The following ANKS6 variants were observed in gnomAD, a reference collection of about 807,000 sequenced individuals.
ANKS6 encodes ankyrin repeat and sterile alpha motif domain containing 6.
Under a neutral mutation model 77.9 loss-of-function variants are expected in ANKS6, and 47 were observed. That is an observed-to-expected ratio of 0.60 (90% CI 0.48 to 0.77). ANKS6 has a LOEUF of 0.77. Ranked by LOEUF, ANKS6 falls within the 30% of genes least tolerant of loss-of-function variation. The probability of loss-of-function intolerance (pLI) is 0.00; values close to 1 mark genes in which losing one functional copy is unlikely to be tolerated. For synonymous variants in ANKS6, 488 were observed against 501.7 expected, an observed-to-expected ratio of 0.97 and a Z score of 0.37; for missense variants, 1,150 against 1,159.1, an observed-to-expected ratio of 0.99 and a Z score of 0.11.
At chr9:98,738,576 T>TAAAAAAAAAAA (rs756331864) in intron 14 of ANKS6, among the ~76,000 whole-genome samples, 2 of 110,006 alleles carry the variant, frequency 1.8e-5, no homozygotes, top group Non-Finnish European at 1.9e-5. Context: ...AACAAAAAAA[T>TAAAAAAAAAAA]AAAATAAAAA....
At chr9:98,782,871 C>A (rs1484087964) in intron 4 of ANKS6, among the ~76,000 whole-genome samples, 1 of 151,946 alleles carries the variant, frequency 6.6e-6, no homozygotes, top group Non-Finnish European at 1.5e-5. Flanking sequence ...TCACTTGAGC[C>A]CAGGAATTTG....
Position 98,734,735 on chromosome 9 carries a change from C to A in ANKS6, c.*1784G>T. ...TTACACAATGCCACCTCCAGGGTGG[C>A]CATGAGGATGAAATGACAAAGGTAA... On this transcript the variant is annotated 3_prime_UTR_variant, in exon 15 of 15. Coordinates refer to ENST00000353234, the MANE Select transcript of ANKS6 (RefSeq NM_173551.5). The A allele has an allele frequency of 1.0e-6, 1 of 967,736 alleles. No homozygotes were observed. The highest frequency in any genetic ancestry group is 5.3e-4 in the Middle Eastern group (1 of 1,878). 59.9% of individuals were successfully genotyped at this position (967,736 alleles called of 1,614,324 possible).
At chr9:98,763,830 C>T (rs1020733218) in intron 11 of ANKS6, among the ~76,000 whole-genome samples, 7 of 152,032 alleles carry the variant, frequency 4.6e-5, no homozygotes, top group African/African-American at 1.7e-4. Flanking sequence ...GTAATAGATA[C>T]ATACTACTAA....
chr9:98,759,054 T>C (rs1832872583), intron 11 of ANKS6, among the ~76,000 whole-genome samples: 1 of 151,850 alleles, frequency 6.6e-6, no homozygotes, highest in Admixed American at 6.6e-5. Flanking sequence ...GTTGATTTTG[T>C]TTTTTTTAAT....
chr9:98,796,216 C>A lies in ANKS6; in HGVS notation c.276G>T (p.Pro92=), dbSNP rs780843655. The A allele has an allele frequency of 1.4e-5, 20 of 1,413,400 alleles. No homozygotes were observed. In the South Asian group the frequency reaches 2.4e-4, roughly 17 times the overall value. 87.6% of individuals were successfully genotyped at this position (1,413,400 alleles called of 1,614,324 possible). ...LQFAAAGGHE[P]LVRFLLRRGA... is the part of the protein sequence containing the mutation. ...CGCGGCGCAGCAGGAAGCGCACCAGCGGTTCGTGGCCCCCGGCCGCGGCGA... is the reference window on the plus strand; with the variant it reads ...CGCGGCGCAGCAGGAAGCGCACCAGAGGTTCGTGGCCCCCGGCCGCGGCGA... Residue 92 remains proline, a synonymous_variant, in exon 1 of 15, where the codon CCG becomes CCT. Coordinates refer to ENST00000353234, the MANE Select transcript of ANKS6 (RefSeq NM_173551.5).
rs764495358 is a variant in ANKS6 at position 98,756,403 on chromosome 9, G to A, written c.2326+17C>T. The A allele has an allele frequency of 4.4e-6, 7 of 1,608,458 alleles. No individual in the cohort carries two copies. The highest frequency in any genetic ancestry group is 1.7e-4 in the Middle Eastern group (1 of 5,810). On this transcript the variant is annotated intron_variant, in intron 12 of 14. Coordinates refer to ENST00000353234, the MANE Select transcript of ANKS6 (RefSeq NM_173551.5). ...GTGAGAGGAATAGGTGGGGTTTCAG[G>A]CCCTCAGGGGACTCACCCTCATCTG...
chr9:98,760,444 C>T (rs940835081), intron 11 of ANKS6, among the ~76,000 whole-genome samples: 1 of 152,078 alleles, frequency 6.6e-6, no homozygotes, highest in South Asian at 2.1e-4. Context: ...TTTGCTGTGA[C>T]TGGTTGCCAT....
At chr9:98,766,729 A>G (rs1833314815) in intron 11 of ANKS6, among the ~76,000 whole-genome samples, 1 of 152,206 alleles carries the variant, frequency 6.6e-6, no homozygotes, top group Admixed American at 6.5e-5. Flanking sequence ...TGAGTAACAA[A>G]AAGAGTTGTG....
chr9:98,789,057 T>C (rs1216844090), intron 2 of ANKS6, among the ~76,000 whole-genome samples: 1 of 144,806 alleles, frequency 6.9e-6, no homozygotes, highest in Admixed American at 7.1e-5. Context: ...TTTTGGAGAG[T>C]GTATTTCTAA....
intron 14 of ANKS6, among the ~76,000 whole-genome samples, chr9:98,741,903 T>C (rs1831854212): frequency 1.3e-5 from 2 of 152,302 alleles, no homozygotes; most frequent in South Asian, 4.1e-4. Context: ...ATTGATTGTG[T>C]AAAAAAAGCA....
At chr9:98,767,796 T>C (rs1041533999) in intron 11 of ANKS6, among the ~76,000 whole-genome samples, 3 of 152,224 alleles carry the variant, frequency 2.0e-5, no homozygotes, top group Non-Finnish European at 4.4e-5. Flanking sequence ...AACAAATGTG[T>C]GCAGTGTGAG....
rs1588394794 is a variant in ANKS6 at position 98,778,235 on chromosome 9, T to G, written c.1558A>C (p.Lys520Gln). Reference protein sequence around the residue: ...SALPDAAPVTKDNGPGSTRGE... With the variant: ...SALPDAAPVTQDNGPGSTRGE... ...TGCAGACTTTTCTCACCATTGTCTT[T>G]GGTCACAGGGGCCGCATCAGGGAGT... Residue 520 changes from lysine to glutamine, a missense_variant, in exon 7 of 15, where the codon AAA becomes CAA. Coordinates refer to ENST00000353234, the MANE Select transcript of ANKS6 (RefSeq NM_173551.5). 6.2e-7 allele frequency: 1 copy of G among 1,614,116 alleles called. No homozygotes were observed. Among genetic ancestry groups the G allele is most frequent in the Non-Finnish European group, 8.5e-7 (1 of 1,180,002 alleles).
rs763588317 is a variant in ANKS6 at position 98,756,613 on chromosome 9, A to C, written c.2143-10T>G. 6.7e-7 allele frequency: 1 copy of C among 1,500,016 alleles called. No homozygotes were observed. The highest frequency in any genetic ancestry group is 8.9e-7 in the Non-Finnish European group (1 of 1,126,688). 92.9% of individuals were successfully genotyped at this position (1,500,016 alleles called of 1,614,324 possible). ...TGCTGGTCTCCAATTTCTGCTGAAC[A>C]GAGTAAGACAAATACATAAGCCATC... On this transcript the variant is annotated splice_polypyrimidine_tract_variant and intron_variant, in intron 11 of 14. Transcript: ENST00000353234.
At chr9:98,790,696 C>A in intron 1 of ANKS6, 90 bp from the exon 2 acceptor site, 1 of 1,480,066 alleles carries the variant, frequency 6.8e-7, no homozygotes, top group East Asian at 2.3e-5. Flanking sequence ...ATTATTAGTC[C>A]TGACAGCTGC....
rs994257761 is a variant in ANKS6 at position 98,791,153 on chromosome 9, G to A, written c.360-547C>T. On this transcript the variant is annotated intron_variant, in intron 1 of 14. Transcript: ENST00000353234. The surrounding 1 kb of genome is among the most constrained non-coding windows in gnomAD (Gnocchi z 4.3). ...GCTGCCTCCTACATTTCAGACAGTC[G>A]ATTTTATTCTGCTTTATAGCCTGGG... Among the ~76,000 whole-genome samples, 4 of 152,142 alleles carry A rather than the reference G, an allele frequency of 2.6e-5. No homozygotes were observed. In the South Asian group the frequency reaches 8.3e-4, roughly 32 times the overall value.
chr9:98,776,331 C>CCACTTGG (rs1833917110), intron 8 of ANKS6, among the ~76,000 whole-genome samples: 1 of 152,006 alleles, frequency 6.6e-6, no homozygotes, highest in African/African-American at 2.4e-5. Flanking sequence ...GGGCACAGGA[C>CCACTTGG]CACTTGGAAC....
At chr9:98,766,303 T>C (rs535312836) in intron 11 of ANKS6, among the ~76,000 whole-genome samples, 2 of 152,312 alleles carry the variant, frequency 1.3e-5, no homozygotes, top group East Asian at 3.9e-4. Flanking sequence ...ATAGTTAATA[T>C]AATTTATAAC....
At position 98,752,377 on chromosome 9, in the gene ANKS6, G is replaced by A. The variant is rs574808283; in HGVS notation, c.2327-1281C>T. On this transcript the variant is annotated intron_variant, in intron 12 of 14. Transcript: ENST00000353234. ...TTAAAGAAGTGATTAGGAGGCTTAGGTTCCTTCTTTTTTTAACTCATTCAT... is the reference window on the plus strand; with the variant it reads ...TTAAAGAAGTGATTAGGAGGCTTAGATTCCTTCTTTTTTTAACTCATTCAT... Among the ~76,000 whole-genome samples the A allele has an allele frequency of 6.6e-5, 10 of 152,258 alleles. No homozygotes were observed. In the East Asian group the frequency reaches 1.9e-3, roughly 29 times the overall value.
rs1176405243 is a variant in ANKS6 at position 98,735,119 on chromosome 9, A to G, written c.*1400T>C. The G allele has an allele frequency of 9.1e-6, 9 of 985,304 alleles. No homozygotes were observed. Among genetic ancestry groups the G allele is most frequent in the African/African-American group, 1.7e-5 (1 of 57,214 alleles). The allele number at this position is 985,304 out of a possible 1,614,324, so 61.0% of individuals were successfully genotyped here. A position where few individuals can be genotyped will look rare whatever the true frequency, so the allele number is the denominator to read the frequency against. ...CAAGGTAGAGATCAGAATTCTGTGC[A>G]GCCTACCATCGACTGGGTACTTCCT... On this transcript the variant is annotated 3_prime_UTR_variant, in exon 15 of 15. Transcript: ENST00000353234.
Sources: allele counts gnomAD v4.1 joint callset (sites outside exome capture counted in the v4.1 genomes callset), GRCh38; gene constraint gnomAD v4.1.1; non-coding constraint Gnocchi (gnomAD v3.1); transcripts MANE v1.5; gene names NCBI Gene and HGNC (gene_info 2026-07-23, HGNC 2026-07-21).